The following SMG1 variants were observed in gnomAD, a reference collection of about 807,000 sequenced individuals.
SMG1 encodes the protein serine/threonine-protein kinase SMG1.
A neutral mutation model predicts 419.9 loss-of-function variants in SMG1; 22 were observed. The observed-to-expected ratio is 0.05, with a 90% CI of 0.04 to 0.07. The LOEUF (loss-of-function observed/expected upper bound fraction) is 0.07, where lower values mean the gene tolerates loss of function less well. Ranked by LOEUF, SMG1 falls within the 10% of genes least tolerant of loss-of-function variation. The pLI, the probability that SMG1 is intolerant of heterozygous loss-of-function variation, is 1.00. For missense variants in SMG1, 3,185 were observed against 4,342.0 expected, an observed-to-expected ratio of 0.73 and a Z score of 7.49; for synonymous variants, 1,538 against 1,553.5, an observed-to-expected ratio of 0.99 and a Z score of 0.23.
intron 5 of SMG1, among the ~76,000 whole-genome samples, chr16:18,890,362 G>A (rs1235347375): frequency 2.6e-5 from 4 of 152,208 alleles, no homozygotes; most frequent in African/African-American, 9.6e-5. Flanking sequence ...TTCCAGCCAG[G>A]CACAGTGGCT....
At chr16:18,844,695 T>C (rs920078763) in intron 39 of SMG1, among the ~76,000 whole-genome samples, 8 of 151,960 alleles carry the variant, frequency 5.3e-5, no homozygotes, top group Non-Finnish European at 1.0e-4. Flanking sequence ...TTTGCTAAAG[T>C]TGGCTGTACT....
At chr16:18,867,119 T>C (rs1283590306) in intron 22 of SMG1, among the ~76,000 whole-genome samples, 2 of 152,218 alleles carry the variant, frequency 1.3e-5, no homozygotes, top group African/African-American at 4.8e-5. Flanking sequence ...CTTCATGTGT[T>C]TGAATACTGC....
chr16:18,907,277 T>C (rs1387320002), intron 1 of SMG1, among the ~76,000 whole-genome samples: 1 of 150,972 alleles, frequency 6.6e-6, no homozygotes, highest in Non-Finnish European at 1.5e-5. Flanking sequence ...AGAAACTCCA[T>C]CTCAAAAAAA....
Position 18,812,096 on chromosome 16 carries a change from C to CTGA in SMG1, c.10650_10652dup (p.Thr3550_Gln3551insHis). Reference sequence around the variant, plus strand: ...TAGCATTCTGTGACATGACATCAGGCTGAGTCTTCTGGCCAGTGTTACTCC... The same window carrying CTGA: ...TAGCATTCTGTGACATGACATCAGGCTGATGAGTCTTCTGGCCAGTGTTACTCC... On this transcript the variant is annotated inframe_insertion, in exon 61 of 63. Transcript: ENST00000446231. 6.2e-7 allele frequency: 1 copy of CTGA among 1,613,478 alleles called. No homozygotes were observed. The highest frequency in any genetic ancestry group is 8.5e-7 in the Non-Finnish European group (1 of 1,179,608).
chr16:18,842,096 T>C, intron 40 of SMG1, 112 bp downstream of exon 40: 1 of 1,181,228 alleles, frequency 8.5e-7, no homozygotes, highest in East Asian at 2.6e-5. Flanking sequence ...AGGCTAATAA[T>C]GACATACAGA....
chr16:18,809,470 A>G lies in SMG1; in HGVS notation c.*99T>C. The G allele has an allele frequency of 1.1e-6, 1 of 870,880 alleles. No homozygotes were observed. Among genetic ancestry groups the G allele is most frequent in the Admixed American group, 2.0e-5 (1 of 49,286 alleles). 53.9% of individuals were successfully genotyped at this position (870,880 alleles called of 1,614,324 possible). ...TTCCTCAGAGTAAGCCCCCAGTTGC[A>G]TCACCACCGACTGTGGTGTGGCTTT... is the stretch of plus-strand genomic sequence containing the variant. On this transcript the variant is annotated 3_prime_UTR_variant, in exon 63 of 63. Transcript: ENST00000446231.
At position 18,925,936 on chromosome 16, in the gene SMG1, G is replaced by A. The variant is rs760405994; in HGVS notation, c.92+14C>T. 17 of 1,535,804 alleles carry A rather than the reference G, an allele frequency of 1.1e-5. No homozygotes were observed. The highest frequency in any genetic ancestry group is 1.9e-5 in the Admixed American group (1 of 51,462). ...CCCGGGAGGTCGGGGCGGGGTCCCG[G>A]GCCGGTCACCCACCTGGGTTGCCAG... On this transcript the variant is annotated intron_variant, in intron 1 of 62. Coordinates refer to ENST00000446231, the MANE Select transcript of SMG1 (RefSeq NM_015092.5).
At chr16:18,905,034 G>A (rs1338962161) in intron 1 of SMG1, among the ~76,000 whole-genome samples, 1 of 152,108 alleles carries the variant, frequency 6.6e-6, no homozygotes, top group South Asian at 2.1e-4. Context: ...GGGTGAGGCA[G>A]GCAGATCATG....
Position 18,850,465 on chromosome 16 carries a change from A to C in SMG1, c.5055T>G (p.Asp1685Glu). 1 of 1,599,486 alleles carries C rather than the reference A, an allele frequency of 6.3e-7. No individual in the cohort carries two copies. The highest frequency in any genetic ancestry group is 8.5e-7 in the Non-Finnish European group (1 of 1,169,614). Reference protein sequence around the residue: ...QAVCRPAGIQDEDITLQITES... With the variant: ...QAVCRPAGIQEEDITLQITES... The stretch of plus-strand genomic sequence containing the variant: ...CAGTTATCTGAAGTGTTATATCTTC[A>C]TCCTGAAGAAAAATTGTGCACAAAA... The change falls in exon 34 of 63, where the codon GAT becomes GAG. Residue 1685 changes from aspartate to glutamate, a missense_variant and splice_region_variant. Transcript: ENST00000446231.
At position 18,854,747 on chromosome 16, in the gene SMG1, T is replaced by C. The variant is rs781543146; in HGVS notation, c.4392A>G (p.Gln1464=). 6.2e-7 allele frequency: 1 copy of C among 1,614,038 alleles called. No individual in the cohort carries two copies. Residue 1464 remains glutamine (Q), a synonymous_variant, in exon 30 of 63, where the codon CAA becomes CAG. Transcript: ENST00000446231. ...CTTGGGTTGATAGTTTTTTAAAATGTTGGACTAAATCCTGTGCAGTGGTGG... is the reference window on the plus strand; with the variant it reads ...CTTGGGTTGATAGTTTTTTAAAATGCTGGACTAAATCCTGTGCAGTGGTGG... ...GKTTTAQDLV[Q]HFKKLSTQGQ...
chr16:18,898,600 G>C (rs2037227782), intron 1 of SMG1, among the ~76,000 whole-genome samples: 1 of 151,714 alleles, frequency 6.6e-6, no homozygotes, highest in South Asian at 2.1e-4. Flanking sequence ...TGAAACATAA[G>C]AGAGCTTATA....
In SMG1 at chr16:18,834,458, G is replaced by C. The variant is rs1481377327; in HGVS notation, c.8331-20C>G. ...TTACGCCTACAAGAGATAAATATCT[G>C]TACAGTGAAACTTAAATGTATAAAC... On this transcript the variant is annotated intron_variant, in intron 49 of 62. Coordinates refer to ENST00000446231, the MANE Select transcript of SMG1 (RefSeq NM_015092.5). 1.3e-6 allele frequency: 2 copies of C among 1,599,648 alleles called. No individual in the cohort carries two copies. Among genetic ancestry groups the C allele is most frequent in the African/African-American group, 2.7e-5 (2 of 74,488 alleles).
intron 60 of SMG1, among the ~76,000 whole-genome samples, chr16:18,813,211 T>C (rs1363656417): frequency 5.3e-5 from 8 of 152,152 alleles, no homozygotes; most frequent in Non-Finnish European, 1.0e-4. Flanking sequence ...GGTCAAATGG[T>C]ATTTCTAGTT....
intron 1 of SMG1, among the ~76,000 whole-genome samples, chr16:18,918,432 T>A (rs1159436467): frequency 6.6e-6 from 1 of 152,216 alleles, no homozygotes; most frequent in Non-Finnish European, 1.5e-5. Flanking sequence ...CTTATCCTAA[T>A]TTTCTTCTAT....
At chr16:18,812,778 T>G (rs550406304) in intron 60 of SMG1, among the ~76,000 whole-genome samples, 202 of 152,094 alleles carry the variant, frequency 1.3e-3, no homozygotes, top group African/African-American at 4.3e-3. Context: ...CCATTAACTC[T>G]TCATTTACAT....
intron 48 of SMG1, among the ~76,000 whole-genome samples, chr16:18,835,706 C>T (rs1391329753): frequency 6.6e-6 from 1 of 152,142 alleles, no homozygotes; most frequent in Non-Finnish European, 1.5e-5. Context: ...GAGTTCAAGA[C>T]CAGCCTGGCC....
At chr16:18,924,016 C>A (rs1232847142) in intron 1 of SMG1, among the ~76,000 whole-genome samples, 1 of 152,166 alleles carries the variant, frequency 6.6e-6, no homozygotes, top group Non-Finnish European at 1.5e-5. Context: ...AGGAGAAAAT[C>A]AAATCTTTCC....
At chr16:18,875,428 T>G (rs1385483596) in intron 13 of SMG1, 1 of 152,136 alleles carries the variant, frequency 6.6e-6, no homozygotes, top group African/African-American at 2.4e-5. Context: ...CCATCTCTAC[T>G]AAATACAAAA....
At chr16:18,858,144 T>C (rs916226014) in intron 29 of SMG1, 26 bp downstream of exon 29, 1 of 1,526,560 alleles carries the variant, frequency 6.6e-7, no homozygotes, top group Non-Finnish European at 8.8e-7. Flanking sequence ...TTTAATTTTC[T>C]CTTACAAGAA....
Sources: gnomAD v4.1 joint callset for allele counts (sites outside exome capture counted in the v4.1 genomes callset) on GRCh38, gnomAD v4.1.1 for gene constraint, MANE v1.5 for transcripts, NCBI Gene and HGNC (gene_info 2026-07-23, HGNC 2026-07-21) for gene names.